DDIT4L: variants seen among roughly 807,000 people sequenced by gnomAD.
The protein encoded by DDIT4L is DNA damage inducible transcript 4 like.
In DDIT4L, 13 loss-of-function variants were observed where a neutral mutation model predicts 15.9. The observed-to-expected ratio is 0.82, with a 90% CI of 0.53 to 1.30. The LOEUF is 1.30. Among genes scored for constraint, DDIT4L ranks in the 50% most tolerant of loss-of-function variants. DDIT4L has a pLI of 0.00. For synonymous variants in DDIT4L, 82 were observed against 85.4 expected (o/e 0.96, Z 0.22); for missense variants, 235 against 224.8 (o/e 1.05, Z -0.29).
At position 100,186,125 on chromosome 4, in the gene DDIT4L, A is replaced by G. The variant is rs1425978680; in HGVS notation, c.*1552T>C. 6.6e-6 allele frequency: 1 copy of G among 152,246 alleles called. No homozygotes were observed. The highest frequency in any genetic ancestry group is 1.5e-5 in the Non-Finnish European group (1 of 68,036). The allele number at this position is 152,246 out of a possible 1,614,324, so 9.4% of individuals were successfully genotyped here. A position where few individuals can be genotyped will look rare whatever the true frequency, so the allele number is the denominator to read the frequency against. On this transcript the variant is annotated 3_prime_UTR_variant, in exon 3 of 3. Transcript: ENST00000273990. ...CTTTGGAGCTTAACAATAGCCATGC[A>G]AAACAACATAGATTTATCTTGGCCC...
rs765684579 is a variant in DDIT4L at position 100,188,152 on chromosome 4, T to A, written c.107A>T (p.Asp36Val). ...ESLLSDFDYW[D>V]YVVPEPNLNE... ...GAGGTTGGGTTCAGGAACAACATAATCCCAGTAGTCAAAATCTGTAAGAAA... is the reference window on the plus strand; with the variant it reads ...GAGGTTGGGTTCAGGAACAACATAAACCCAGTAGTCAAAATCTGTAAGAAA... Residue 36 changes from aspartate to valine, a missense_variant, in exon 3 of 3, where the codon GAT (aspartate) becomes GTT (valine). By Grantham distance (152) the Asp-to-Val change is radical. Transcript: ENST00000273990. 3.7e-6 allele frequency: 6 copies of A among 1,602,814 alleles called. No individual in the cohort carries two copies. Among genetic ancestry groups the A allele is most frequent in the Non-Finnish European group, 5.1e-6 (6 of 1,178,398 alleles).
In DDIT4L at chr4:100,190,173, A is replaced by G. The variant is rs926636112; in HGVS notation, c.-50+130T>C. ...GGGTGGAACCGGCCTCTGCAACTCAATTTGACAAAGCCCTGGGAGCGGAGC... is the reference window on the plus strand; with the variant it reads ...GGGTGGAACCGGCCTCTGCAACTCAGTTTGACAAAGCCCTGGGAGCGGAGC... On this transcript the variant is annotated intron_variant, in intron 1 of 2. Coordinates refer to ENST00000273990, the MANE Select transcript of DDIT4L (RefSeq NM_145244.4). 12 of 582,242 alleles carry G rather than the reference A, an allele frequency of 2.1e-5. No individual in the cohort carries two copies. The Admixed American group carries it at 3.1e-4, about 15-fold the overall frequency. The allele number at this position is 582,242 out of a possible 1,614,324, so 36.1% of individuals were successfully genotyped here.
chr4:100,187,996 A>G lies in DDIT4L; in HGVS notation c.263T>C (p.Ile88Thr), dbSNP rs1327964281. The G allele has an allele frequency of 5.0e-6, 8 of 1,614,160 alleles. No homozygotes were observed. Among genetic ancestry groups the G allele is most frequent in the Non-Finnish European group, 6.8e-6 (8 of 1,180,030 alleles). ...GGAAAGCCGCAGGACATCTTGAGCA[A>G]TTCTCTGGGTCAGTTTCTCAGGGAC... is the stretch of plus-strand genomic sequence containing the variant. ...VLVPEKLTQR[I>T]AQDVLRLSST... Residue 88 changes from isoleucine to threonine, a missense_variant, in exon 3 of 3, where the codon ATT becomes ACT. Physicochemically the swap from Ile to Thr is moderately conservative, Grantham distance 89. Coordinates refer to ENST00000273990, the MANE Select transcript of DDIT4L (RefSeq NM_145244.4).
At position 100,189,918 on chromosome 4, in the gene DDIT4L, G is replaced by C; in HGVS notation, c.66C>G (p.Gly22=). 1 of 1,614,092 alleles carries C rather than the reference G, an allele frequency of 6.2e-7. No individual in the cohort carries two copies. The part of the protein sequence containing the change: ...PASISELLDC[G]YHPESLLSDF... Reference sequence around the variant, plus strand: ...CACTTAGCAGGCTCTCTGGGTGATAGCCACAGTCCAGCAATTCTGAAATGC... The same window carrying C: ...CACTTAGCAGGCTCTCTGGGTGATACCCACAGTCCAGCAATTCTGAAATGC... Residue 22 remains glycine, a synonymous_variant, in exon 2 of 3, where the codon GGC becomes GGG. Transcript: ENST00000273990.
Position 100,187,887 on chromosome 4 carries a change from A to G in DDIT4L, c.372T>C (p.Ile124=), listed in dbSNP as rs1723447351. Residue 124 remains isoleucine, a synonymous_variant, in exon 3 of 3, where the codon ATT becomes ATC. Coordinates refer to ENST00000273990, the MANE Select transcript of DDIT4L (RefSeq NM_145244.4). ...TAGGTACGACGCTAGAATCACACAC[A>G]ATCCTATCCAGCTTTTTACATACAT... is the stretch of plus-strand genomic sequence containing the variant. ...IENVCKKLDR[I]VCDSSVVPTF... 6.2e-7 allele frequency: 1 copy of G among 1,613,942 alleles called. No homozygotes were observed. The highest frequency in any genetic ancestry group is 1.1e-5 in the South Asian group (1 of 90,994).
chr4:100,189,772 A>T (rs968473360), intron 2 of DDIT4L, 121 bp downstream of exon 2: 2 of 840,226 alleles, frequency 2.4e-6, no homozygotes, highest in Admixed American at 2.7e-5. Context: ...GAGTCTCCTC[A>T]GATGGATTTT....
At position 100,187,595 on chromosome 4, in the gene DDIT4L, G is replaced by C; in HGVS notation, c.*82C>G. The C allele has an allele frequency of 2.7e-6, 4 of 1,462,660 alleles. No homozygotes were observed. Among genetic ancestry groups the C allele is most frequent in the Non-Finnish European group, 3.6e-6 (4 of 1,104,574 alleles). The allele number at this position is 1,462,660 out of a possible 1,614,324, so 90.6% of individuals were successfully genotyped here. ...GGGGTTTCTTATTTAGGGCAGGTGG[G>C]GCAAACTACAAATGACTTTAGCTGA... On this transcript the variant is annotated 3_prime_UTR_variant, in exon 3 of 3. Coordinates refer to ENST00000273990, the MANE Select transcript of DDIT4L (RefSeq NM_145244.4).
Position 100,188,005 on chromosome 4 carries a change from G to A in DDIT4L, c.254C>T (p.Thr85Ile), listed in dbSNP as rs1473523751. The change falls in exon 3 of 3, where the codon ACC (threonine) becomes ATC (isoleucine). Residue 85 changes from threonine to isoleucine, a missense_variant. Coordinates refer to ENST00000273990, the MANE Select transcript of DDIT4L (RefSeq NM_145244.4). ...CSKVLVPEKL[T>I]QRIAQDVLRL... ...CAGGACATCTTGAGCAATTCTCTGG[G>A]TCAGTTTCTCAGGGACAAGGACCTT... The A allele has an allele frequency of 1.1e-5, 18 of 1,614,044 alleles. No individual in the cohort carries two copies. The highest frequency in any genetic ancestry group is 1.6e-4 in the Middle Eastern group (1 of 6,084).
intron 1 of DDIT4L, 51 bp from the exon 2 acceptor site, chr4:100,190,083 T>G (rs906131937): frequency 4.3e-6 from 5 of 1,152,950 alleles, no homozygotes; most frequent in East Asian, 4.8e-5. Context: ...AGGCGAGTCG[T>G]GCAGAGGCTC....
At position 100,186,335 on chromosome 4, in the gene DDIT4L, AGTG is replaced by A. The variant is rs1723420228; in HGVS notation, c.*1339_*1341del. 6.6e-6 allele frequency: 1 copy of A among 152,208 alleles called. No individual in the cohort carries two copies. Among genetic ancestry groups the A allele is most frequent in the South Asian group, 2.1e-4 (1 of 4,832 alleles). The allele number at this position is 152,208 out of a possible 1,614,324, so 9.4% of individuals were successfully genotyped here. Reference sequence around the variant, plus strand: ...CCCTACGCCGGTCTCCAGCATGTGAAGTGGAGCTAATAGCTAGGGCAGGAAACC... The same window carrying A: ...CCCTACGCCGGTCTCCAGCATGTGAAGAGCTAATAGCTAGGGCAGGAAACC... On this transcript the variant is annotated 3_prime_UTR_variant, in exon 3 of 3. Transcript: ENST00000273990.
chr4:100,189,327 GA>G (rs1723474062), intron 2 of DDIT4L, among the ~76,000 whole-genome samples: 1 of 152,122 alleles, frequency 6.6e-6, no homozygotes, highest in Admixed American at 6.5e-5. Flanking sequence ...ATCCACGACT[GA>G]AAATCCTACT....
At chr4:100,190,270 C>G in intron 1 of DDIT4L, 33 bp downstream of exon 1, 3 of 416,572 alleles carry the variant, frequency 7.2e-6, no homozygotes, top group Non-Finnish European at 1.3e-5. Flanking sequence ...CCCCCGGCCC[C>G]GCTGCCCCCA....
chr4:100,187,869 G>A lies in DDIT4L; in HGVS notation c.390C>T (p.Val130=), dbSNP rs867286833. 9 of 1,613,646 alleles carry A rather than the reference G, an allele frequency of 5.6e-6. No homozygotes were observed. The highest frequency in any genetic ancestry group is 7.6e-6 in the Non-Finnish European group (9 of 1,179,934). The change falls in exon 3 of 3, where the codon GTC becomes GTT. Residue 130 remains valine, a synonymous_variant. Coordinates refer to ENST00000273990, the MANE Select transcript of DDIT4L (RefSeq NM_145244.4). The stretch of plus-strand genomic sequence containing the variant: ...CAAGTGTAAGCTCAAAAGTAGGTAC[G>A]ACGCTAGAATCACACACAATCCTAT... The part of the protein sequence containing the change: ...KLDRIVCDSS[V]VPTFELTLVF...
At chr4:100,189,502 G>A (rs1305493070) in intron 2 of DDIT4L, among the ~76,000 whole-genome samples, 1 of 152,220 alleles carries the variant, frequency 6.6e-6, no homozygotes, top group African/African-American at 2.4e-5. Context: ...AATCAGATCA[G>A]TAGTTCCCTG....
At chr4:100,189,662 G>A (rs1453667534) in intron 2 of DDIT4L, among the ~76,000 whole-genome samples, 1 of 152,126 alleles carries the variant, frequency 6.6e-6, no homozygotes, top group African/African-American at 2.4e-5. Flanking sequence ...AATCCCAAGG[G>A]GCCTACTGGC....
rs1372060123 is a variant in DDIT4L, at chr4:100,186,630, T to C, written c.*1047A>G. On this transcript the variant is annotated 3_prime_UTR_variant, in exon 3 of 3. Coordinates refer to ENST00000273990, the MANE Select transcript of DDIT4L (RefSeq NM_145244.4). ...CTATAAACCATATCTCCATAGCCAATGCAGACTTCGTAAATTGACCCGTTT... is the reference window on the plus strand; with the variant it reads ...CTATAAACCATATCTCCATAGCCAACGCAGACTTCGTAAATTGACCCGTTT... 1 of 152,206 alleles carries C rather than the reference T, an allele frequency of 6.6e-6. No individual in the cohort carries two copies. Among genetic ancestry groups the C allele is most frequent in the Non-Finnish European group, 1.5e-5 (1 of 68,038 alleles). The allele number at this position is 152,206 out of a possible 1,614,324, so 9.4% of individuals were successfully genotyped here. A position where few individuals can be genotyped will look rare whatever the true frequency, so the allele number is the denominator to read the frequency against.
In DDIT4L at chr4:100,186,855, T is replaced by A. The variant is rs2110147975; in HGVS notation, c.*822A>T. Reference sequence around the variant, plus strand: ...GAGGGACTAGATCTCAGAACTAATTTCCTATCCTCACAGGTATTCATCATT... The same window carrying A: ...GAGGGACTAGATCTCAGAACTAATTACCTATCCTCACAGGTATTCATCATT... On this transcript the variant is annotated 3_prime_UTR_variant, in exon 3 of 3. Coordinates refer to ENST00000273990, the MANE Select transcript of DDIT4L (RefSeq NM_145244.4). The A allele has an allele frequency of 6.6e-6, 1 of 152,312 alleles. No homozygotes were observed. Among genetic ancestry groups the A allele is most frequent in the Non-Finnish European group, 1.5e-5 (1 of 68,022 alleles). 9.4% of individuals were successfully genotyped at this position (152,312 alleles called of 1,614,324 possible).
In DDIT4L at chr4:100,188,146, A is replaced by G; in HGVS notation, c.113T>C (p.Val38Ala). 6.2e-7 allele frequency: 1 copy of G among 1,608,708 alleles called. No individual in the cohort carries two copies. ...LLSDFDYWDY[V>A]VPEPNLNEVI... ...CTCGTTGAGGTTGGGTTCAGGAACA[A>G]CATAATCCCAGTAGTCAAAATCTGT... Residue 38 changes from valine to alanine, a missense_variant, in exon 3 of 3, where the codon GTT (valine) becomes GCT (alanine). By Grantham distance (64) the Val-to-Ala change is moderately conservative (BLOSUM62 0). Transcript: ENST00000273990.
chr4:100,189,144 G>T (rs1210127987), intron 2 of DDIT4L, among the ~76,000 whole-genome samples: 1 of 152,198 alleles, frequency 6.6e-6, no homozygotes, highest in African/African-American at 2.4e-5. Flanking sequence ...ACTTCACCTT[G>T]AAAGGAGAAA....
Sources: gnomAD v4.1 joint callset for allele counts (sites outside exome capture counted in the v4.1 genomes callset) on GRCh38, gnomAD v4.1.1 for gene constraint, MANE v1.5 for transcripts, NCBI Gene and HGNC (gene_info 2026-07-23, HGNC 2026-07-21) for gene names.